The following DCPS variants were observed in gnomAD, a reference collection of about 807,000 sequenced individuals.
The protein encoded by DCPS is m7GpppX diphosphatase.
A neutral mutation model predicts 34.7 loss-of-function variants in DCPS; 27 were observed. The ratio of observed to expected loss-of-function variants is 0.78; its 90% CI spans 0.57 to 1.07. DCPS has a LOEUF of 1.07. Among genes scored for constraint, DCPS ranks in the 50% least tolerant of loss-of-function variants. The pLI is 0.00. For missense variants in DCPS, 464 were observed against 436.9 expected (o/e 1.06, Z -0.55); for synonymous variants, 185 against 185.7 (o/e 1.00, Z 0.03).
intron 4 of DCPS, among the ~76,000 whole-genome samples, chr11:126,340,449 G>A (rs1484825399): frequency 2.0e-5 from 3 of 152,124 alleles, no homozygotes; most frequent in African/African-American, 7.2e-5. Flanking sequence ...AGCAACCCAA[G>A]TAGCTGGGAC....
Position 126,344,135 on chromosome 11 carries a change from C to T in DCPS, c.747+718C>T, listed in dbSNP as rs1373229106. On this transcript the variant is annotated intron_variant, in intron 5 of 5. Coordinates refer to ENST00000263579, the MANE Select transcript of DCPS (RefSeq NM_014026.6). The surrounding 1 kb of genome is among the most constrained non-coding windows in gnomAD (Gnocchi z 8.1). Reference sequence around the variant, plus strand: ...CTGAAATGTGATGCTCTGCCTAACACGCCAGAGCTAGCAGTCACAACGATG... The same window carrying T: ...CTGAAATGTGATGCTCTGCCTAACATGCCAGAGCTAGCAGTCACAACGATG... Among the ~76,000 whole-genome samples, 9 of 141,436 alleles carry T rather than the reference C, an allele frequency of 6.4e-5. No individual in the cohort carries two copies. Among genetic ancestry groups the T allele is most frequent in the Admixed American group, 2.3e-4 (3 of 13,236 alleles). The allele number at this position is 141,436 out of a possible 152,430, so 92.8% of individuals were successfully genotyped here.
At chr11:126,340,318 G>A (rs573353390) in intron 4 of DCPS, among the ~76,000 whole-genome samples, 69 of 152,052 alleles carry the variant, frequency 4.5e-4, no homozygotes, top group African/African-American at 1.6e-3. Context: ...CTTAACATTT[G>A]CTTAATTCTT....
In DCPS at chr11:126,323,027, A is replaced by C. The variant is rs1368027693; in HGVS notation, c.377-8378A>C. Among the ~76,000 whole-genome samples, 1 of 152,090 alleles carries C rather than the reference A, an allele frequency of 6.6e-6. No homozygotes were observed. The highest frequency in any genetic ancestry group is 1.5e-5 in the Non-Finnish European group (1 of 68,016). The stretch of plus-strand genomic sequence containing the variant: ...TTTTTTGTAGAGATGGGGTCTTGCC[A>C]TGTAGCGCAGGCTGGTCTCGAACTC... On this transcript the variant is annotated intron_variant, in intron 2 of 5. Transcript: ENST00000263579. The surrounding 1 kb of genome is among the most constrained non-coding windows in gnomAD (Gnocchi z 4.4).
rs1260780480 is a variant in DCPS at position 126,344,604 on chromosome 11, C to G, written c.748-743C>G. Among the ~76,000 whole-genome samples the G allele has an allele frequency of 2.0e-5, 3 of 152,184 alleles. No individual in the cohort carries two copies. The highest frequency in any genetic ancestry group is 4.4e-5 in the Non-Finnish European group (3 of 68,036). ...CCCACTGAGGCCCTAGTACTTTTCT[C>G]TTCACCTCTGACCACCTCAGGGATT... is the stretch of plus-strand genomic sequence containing the variant. On this transcript the variant is annotated intron_variant, in intron 5 of 5. Coordinates refer to ENST00000263579, the MANE Select transcript of DCPS (RefSeq NM_014026.6). The surrounding 1 kb of genome is among the most constrained non-coding windows in gnomAD (Gnocchi z 8.1).
rs568887818 is a variant in DCPS, at chr11:126,338,164, C to A, written c.523-122C>A. On this transcript the variant is annotated intron_variant, in intron 3 of 5. Transcript: ENST00000263579. This position sits in a 1 kb window ranked among gnomAD's most constrained non-coding sequence, Gnocchi z 5.4. ...CCGGATGTAGATCCTCTGAGCGTGG[C>A]GGCCTTTTATGGCTTGGTTCTGTCT... is the stretch of plus-strand genomic sequence containing the variant. The A allele has an allele frequency of 8.5e-6, 7 of 822,836 alleles. No individual in the cohort carries two copies. In the East Asian group the frequency reaches 1.6e-4, roughly 19 times the overall value. 51.0% of individuals were successfully genotyped at this position (822,836 alleles called of 1,614,324 possible). A position where few individuals can be genotyped will look rare whatever the true frequency, so the allele number is the denominator to read the frequency against.
At position 126,336,438 on chromosome 11, in the gene DCPS, A is replaced by G. The variant is rs964030656; in HGVS notation, c.523-1848A>G. ...TTCTCTGAAAACCTTCACCACCCTT[A>G]TGTAGATATCATCAGCCCCATTTTA... is the stretch of plus-strand genomic sequence containing the variant. On this transcript the variant is annotated intron_variant, in intron 3 of 5. Transcript: ENST00000263579. The surrounding 1 kb of genome is among the most constrained non-coding windows in gnomAD (Gnocchi z 6.3). The G allele has an allele frequency of 1.3e-5, 2 of 152,268 alleles. No individual in the cohort carries two copies. Among genetic ancestry groups the G allele is most frequent in the African/African-American group, 4.8e-5 (2 of 41,508 alleles). 9.4% of individuals were successfully genotyped at this position (152,268 alleles called of 1,614,324 possible). A position where few individuals can be genotyped will look rare whatever the true frequency, so the allele number is the denominator to read the frequency against.
rs376193823 is a variant in DCPS at position 126,323,899 on chromosome 11, C to T, written c.377-7506C>T. ...AGACTAGAGTGCAGTGGCGCCATCT[C>T]GGCTCACCGCAACCTCTACCTCCCA... On this transcript the variant is annotated intron_variant, in intron 2 of 5. Transcript: ENST00000263579. This position sits in a 1 kb window ranked among gnomAD's most constrained non-coding sequence, Gnocchi z 4.4. Among the ~76,000 whole-genome samples the T allele has an allele frequency of 6.6e-5, 10 of 152,034 alleles. No individual in the cohort carries two copies. Among genetic ancestry groups the T allele is most frequent in the South Asian group, 2.1e-4 (1 of 4,824 alleles).
rs1435476384 is a variant in DCPS, at chr11:126,331,813, A to T, written c.522+263A>T. Among the ~76,000 whole-genome samples the T allele has an allele frequency of 6.6e-6, 1 of 152,122 alleles. No homozygotes were observed. Among genetic ancestry groups the T allele is most frequent in the Admixed American group, 6.5e-5 (1 of 15,276 alleles). ...AGGGCTGCAGAGAGAAATAGACAGG[A>T]TAAGTGGGACCAGAAGGCCTGGGGC... On this transcript the variant is annotated intron_variant, in intron 3 of 5. Transcript: ENST00000263579. This position sits in a 1 kb window ranked among gnomAD's most constrained non-coding sequence, Gnocchi z 7.2.
At position 126,348,486 on chromosome 11, in the gene DCPS, G is replaced by A. The variant is rs1325364896; in HGVS notation, c.*2873G>A. Among the ~76,000 whole-genome samples, 3 of 152,204 alleles carry A rather than the reference G, an allele frequency of 2.0e-5. No individual in the cohort carries two copies. Among genetic ancestry groups the A allele is most frequent in the African/African-American group, 4.8e-5 (2 of 41,456 alleles). On this transcript the variant is annotated 3_prime_UTR_variant, in exon 6 of 6. Coordinates refer to ENST00000263579, the MANE Select transcript of DCPS (RefSeq NM_014026.6). The surrounding 1 kb of genome is among the most constrained non-coding windows in gnomAD (Gnocchi z 5.3). Reference sequence around the variant, plus strand: ...TGCTGTAATCTCCAGGGACCCTGCCGGCCACGGCCCCCATGCAGCTCCCTC... The same window carrying A: ...TGCTGTAATCTCCAGGGACCCTGCCAGCCACGGCCCCCATGCAGCTCCCTC...
rs556025969 is a variant in DCPS at position 126,322,408 on chromosome 11, C to T, written c.377-8997C>T. Among the ~76,000 whole-genome samples, 140 of 152,040 alleles carry T rather than the reference C, an allele frequency of 9.2e-4. No individual in the cohort carries two copies. The highest frequency in any genetic ancestry group is 1.7e-3 in the South Asian group (8 of 4,814). The stretch of plus-strand genomic sequence containing the variant: ...TCTCTCTAGTAGCTGGGATTACAGG[C>T]GCACACCACCACGCCCGGCTCATTT... On this transcript the variant is annotated intron_variant, in intron 2 of 5. Transcript: ENST00000263579. This position sits in a 1 kb window ranked among gnomAD's most constrained non-coding sequence, Gnocchi z 4.2.
intron 2 of DCPS, among the ~76,000 whole-genome samples, chr11:126,321,843 A>G (rs1284955042): frequency 6.6e-6 from 1 of 152,200 alleles, no homozygotes; most frequent in African/African-American, 2.4e-5. Flanking sequence ...GAAATTAAAG[A>G]TACAGCAGAA....
Position 126,338,101 on chromosome 11 carries a change from C to T in DCPS, c.523-185C>T, listed in dbSNP as rs900731950. 5.0e-6 allele frequency: 3 copies of T among 602,654 alleles called. No homozygotes were observed. The highest frequency in any genetic ancestry group is 1.9e-5 in the African/African-American group (1 of 53,758). The allele number at this position is 602,654 out of a possible 1,614,324, so 37.3% of individuals were successfully genotyped here. Reference sequence around the variant, plus strand: ...TGGAGTGGGAAGGGGGAAGTCCCTTCTGGACCCCTAAGAACAGATGCTTGG... The same window carrying T: ...TGGAGTGGGAAGGGGGAAGTCCCTTTTGGACCCCTAAGAACAGATGCTTGG... On this transcript the variant is annotated intron_variant, in intron 3 of 5. Transcript: ENST00000263579. The surrounding 1 kb of genome is among the most constrained non-coding windows in gnomAD (Gnocchi z 5.4).
rs528444571 is a variant in DCPS at position 126,312,056 on chromosome 11, G to T, written c.376+5312G>T. Among the ~76,000 whole-genome samples the T allele has an allele frequency of 6.6e-6, 1 of 152,002 alleles. No individual in the cohort carries two copies. The highest frequency in any genetic ancestry group is 1.5e-5 in the Non-Finnish European group (1 of 68,000). ...AGTGATTCTCCAGCCTCAGCCTCCC[G>T]AGTAGCTGGGATTACAGGCATCCTC... On this transcript the variant is annotated intron_variant, in intron 2 of 5. Coordinates refer to ENST00000263579, the MANE Select transcript of DCPS (RefSeq NM_014026.6). This position sits in a 1 kb window ranked among gnomAD's most constrained non-coding sequence, Gnocchi z 5.1.
In DCPS at chr11:126,348,430, G is replaced by C. The variant is rs550422628; in HGVS notation, c.*2817G>C. On this transcript the variant is annotated 3_prime_UTR_variant, in exon 6 of 6. Coordinates refer to ENST00000263579, the MANE Select transcript of DCPS (RefSeq NM_014026.6). The surrounding 1 kb of genome is among the most constrained non-coding windows in gnomAD (Gnocchi z 5.3). ...AAGCCTCTGCTAGAGGCCTGGCAAG[G>C]GTTCCCCTTCAGAGCCAGCCAGTGC... Among the ~76,000 whole-genome samples the C allele has an allele frequency of 3.9e-5, 6 of 152,198 alleles. No individual in the cohort carries two copies. Among genetic ancestry groups the C allele is most frequent in the South Asian group, 2.1e-4 (1 of 4,834 alleles).
intron 2 of DCPS, among the ~76,000 whole-genome samples, chr11:126,324,629 C>CA (rs1183587902): frequency 1.0e-5 from 1 of 99,954 alleles, no homozygotes; most frequent in Non-Finnish European, 1.9e-5. Flanking sequence ...ATTTTTCTGC[C>CA]TTTTTTTTTT....
intron 2 of DCPS, among the ~76,000 whole-genome samples, chr11:126,326,438 A>G (rs1447563073): frequency 1.3e-5 from 2 of 152,214 alleles, no homozygotes; most frequent in East Asian, 3.9e-4. Context: ...CATATGTAAA[A>G]TGCAATCATA....
chr11:126,345,429 A>C lies in DCPS; in HGVS notation c.830A>C (p.His277Pro), dbSNP rs1175191613. Reference protein sequence around the residue: ...LHYLPSYYHLHVHFTALGFEA... With the variant: ...LHYLPSYYHLPVHFTALGFEA... ...TACCTGCCCTCCTACTACCACCTGC[A>C]TGTGCACTTCACCGCCCTGGGCTTC... is the stretch of plus-strand genomic sequence containing the variant. The change falls in exon 6 of 6, where the codon CAT becomes CCT. Residue 277 changes from histidine to proline, a missense_variant. Transcript: ENST00000263579. The surrounding 1 kb of genome is among the most constrained non-coding windows in gnomAD (Gnocchi z 7.4). 1 of 1,614,198 alleles carries C rather than the reference A, an allele frequency of 6.2e-7. No individual in the cohort carries two copies. Among genetic ancestry groups the C allele is most frequent in the Admixed American group, 1.7e-5 (1 of 60,030 alleles).
At position 126,345,344 on chromosome 11, in the gene DCPS, C is replaced by T. The variant is rs1951910634; in HGVS notation, c.748-3C>T. The stretch of plus-strand genomic sequence containing the variant: ...CCTGACCTGCCTGCCCCTGTCTCAT[C>T]AGGAGGCCATCCTGCAGCGCTACCG... On this transcript the variant is annotated splice_region_variant and splice_polypyrimidine_tract_variant and intron_variant, in intron 5 of 5. Transcript: ENST00000263579. This position sits in a 1 kb window ranked among gnomAD's most constrained non-coding sequence, Gnocchi z 7.4. 1.9e-6 allele frequency: 3 copies of T among 1,613,544 alleles called. No homozygotes were observed. The highest frequency in any genetic ancestry group is 2.5e-6 in the Non-Finnish European group (3 of 1,179,942).
chr11:126,307,415 T>C (rs1162916634), intron 2 of DCPS, among the ~76,000 whole-genome samples: 1 of 151,368 alleles, frequency 6.6e-6, no homozygotes, highest in African/African-American at 2.4e-5. Flanking sequence ...TAGAATAATA[T>C]ATATATATTT....
Sources: allele counts gnomAD v4.1 joint callset (sites outside exome capture counted in the v4.1 genomes callset), GRCh38; gene constraint gnomAD v4.1.1; non-coding constraint Gnocchi (gnomAD v3.1); transcripts MANE v1.5; gene names NCBI Gene and HGNC (gene_info 2026-07-23, HGNC 2026-07-21).